DST: variants seen among roughly 807,000 people sequenced by gnomAD.
The protein encoded by DST is bullous pemphigoid antigen.
In DST, 253 loss-of-function variants were observed where a neutral mutation model predicts 875.2. The ratio of observed to expected loss-of-function variants is 0.29; its 90% CI spans 0.26 to 0.32. The LOEUF is 0.32. Among genes scored for constraint, DST ranks in the 10% least tolerant of loss-of-function variants. The pLI, the probability that DST is intolerant of heterozygous loss-of-function variation, is 1.00. For missense variants in DST, 8,287 were observed against 9,111.6 expected (o/e 0.91, Z 3.68); for synonymous variants, 3,124 against 3,197.1 (o/e 0.98, Z 0.77).
intron 4 of DST, among the ~76,000 whole-genome samples, chr6:56,841,582 G>A (rs188790578): frequency 6.6e-6 from 1 of 152,220 alleles, no homozygotes; most frequent in South Asian, 2.1e-4. Context: ...AATCACCCAC[G>A]TGTCACTTAA....
At chr6:56,581,986 T>C (rs749944501) in intron 49 of DST, among the ~76,000 whole-genome samples, 1 of 152,354 alleles carries the variant, frequency 6.6e-6, no homozygotes, top group East Asian at 1.9e-4. Context: ...AAGCTTTTTT[T>C]TTCCACACGT....
At chr6:56,495,819 C>A (rs1206404797) in intron 82 of DST, among the ~76,000 whole-genome samples, 1 of 152,094 alleles carries the variant, frequency 6.6e-6, no homozygotes, top group African/African-American at 2.4e-5. Flanking sequence ...GTAGGACTTA[C>A]TTAAACTACT....
At chr6:56,822,812 TTTTTA>T (rs1254489130) in intron 4 of DST, among the ~76,000 whole-genome samples, 23 of 151,630 alleles carry the variant, frequency 1.5e-4, no homozygotes, top group Admixed American at 9.2e-4. Flanking sequence ...TATTTATTTA[TTTTTA>T]TTTTATTTTA....
intron 2 of DST, among the ~76,000 whole-genome samples, chr6:56,942,060 T>C (rs1278948479): frequency 2.0e-5 from 3 of 152,232 alleles, no homozygotes; most frequent in Non-Finnish European, 4.4e-5. Flanking sequence ...CCTTTCATCA[T>C]TGCGGAACAT....
chr6:56,693,181 T>G, intron 9 of DST: 1 of 1,243,654 alleles, frequency 8.0e-7, no homozygotes. Context: ...CTCCATAGAT[T>G]CACTCATTTC....
chr6:56,797,679 C>A (rs143810557), intron 4 of DST, among the ~76,000 whole-genome samples: 3 of 151,908 alleles, frequency 2.0e-5, no homozygotes, highest in Non-Finnish European at 2.9e-5. Flanking sequence ...ATTAGCTGGG[C>A]GTGGTGGCAG....
intron 86 of DST, 41 bp downstream of exon 86, chr6:56,489,448 CT>C: frequency 6.4e-7 from 1 of 1,570,676 alleles, no homozygotes; most frequent in Non-Finnish European, 8.6e-7. Context: ...TGATCTTGAA[CT>C]ATATAATGAG....
chr6:56,553,784 A>G (rs367822683), intron 60 of DST, 129 bp from the exon 61 acceptor site: 5 of 837,390 alleles, frequency 6.0e-6, no homozygotes, highest in East Asian at 5.3e-5. Flanking sequence ...AGCATTGACT[A>G]TAAGAACTAC....
chr6:56,892,440 A>G (rs1271635345), intron 3 of DST, among the ~76,000 whole-genome samples: 2 of 149,788 alleles, frequency 1.3e-5, no homozygotes, highest in Admixed American at 1.3e-4. Context: ...CTCCCACCTC[A>G]GCCTCTCAAG....
In DST at chr6:56,604,879, T is replaced by G. The variant is rs761640661; in HGVS notation, c.9749A>C (p.Lys3250Thr). The change falls in exon 40 of 104, where the codon AAA becomes ACA. Residue 3250 changes from lysine to threonine, a missense_variant. Around this residue, in one of 10 missense-constraint regions of DST, gnomAD observed 3,138 missense variants for 3,116.6 expected, o/e 1.01. Transcript: ENST00000680361. ...TGTTCCTCCTCCTGAGATGCTTTCT[T>G]TACTACAAAGATCATTGCTTTGGAT... ...DMIQSNDLCS[K>T]ESISGGGTEI... The G allele has an allele frequency of 1.3e-5, 21 of 1,612,596 alleles. No individual in the cohort carries two copies. The highest frequency in any genetic ancestry group is 1.8e-5 in the Non-Finnish European group (21 of 1,179,294).
At position 56,551,605 on chromosome 6, in the gene DST, G is replaced by A. The variant is rs566391699; in HGVS notation, c.16608+579C>T. On this transcript the variant is annotated intron_variant, in intron 61 of 103. Coordinates refer to ENST00000680361, the MANE Select transcript of DST (RefSeq NM_001374736.1). The stretch of plus-strand genomic sequence containing the variant: ...GTGGCAGTCATTTCTTGGCACTGAG[G>A]AGCTTATGTCATGCAATAAAAAAAA... Among the ~76,000 whole-genome samples the A allele has an allele frequency of 2.0e-5, 3 of 152,172 alleles. No individual in the cohort carries two copies. The East Asian group carries it at 5.8e-4, about 29-fold the overall frequency.
chr6:56,851,884 G>C (rs966458240), intron 3 of DST: 2 of 1,549,452 alleles, frequency 1.3e-6, no homozygotes, highest in African/African-American at 1.4e-5. Flanking sequence ...CCTGTGGTCC[G>C]GCCACCAGCT....
Position 56,483,296 on chromosome 6 carries a change from T to C in DST, c.21208-419A>G, listed in dbSNP as rs761316290. ...GTCAAGTGGATGCTGGCTTTGGCAC[T>C]ACTCTAAGAGATGTATCTAAGAACC... On this transcript the variant is annotated intron_variant, in intron 88 of 103. Coordinates refer to ENST00000680361, the MANE Select transcript of DST (RefSeq NM_001374736.1). Among the ~76,000 whole-genome samples the C allele has an allele frequency of 1.5e-4, 23 of 152,184 alleles. 1 individual carries two copies. The highest frequency in any genetic ancestry group is 3.4e-4 in the Non-Finnish European group (23 of 68,022).
chr6:56,764,097 GCACA>G (rs57134689), intron 4 of DST, among the ~76,000 whole-genome samples: 1,822 of 141,978 alleles, frequency 0.013, 26 homozygotes, highest in African/African-American at 0.042. Context: ...AAGTGCACAT[GCACA>G]CACACACACA....
chr6:56,833,092 G>A (rs186996764), intron 4 of DST, among the ~76,000 whole-genome samples: 83 of 152,246 alleles, frequency 5.5e-4, no homozygotes, highest in African/African-American at 1.2e-3. Flanking sequence ...TCACAAGATC[G>A]CAAGACGAAC....
intron 48 of DST, among the ~76,000 whole-genome samples, chr6:56,593,357 CAG>C (rs2098316511): frequency 6.6e-6 from 1 of 151,096 alleles, no homozygotes; most frequent in Non-Finnish European, 1.5e-5. Flanking sequence ...CTACTAAAAA[CAG>C]AAAAAAAATT....
intron 2 of DST, among the ~76,000 whole-genome samples, chr6:56,944,952 C>T (rs1335383710): frequency 2.6e-5 from 4 of 152,150 alleles, no homozygotes; most frequent in Admixed American, 2.6e-4. Flanking sequence ...CCCTTCCTTC[C>T]TTCCTTGAAT....
chr6:56,722,361 CAT>C (rs1491294687), intron 5 of DST, among the ~76,000 whole-genome samples: 2 of 135,826 alleles, frequency 1.5e-5, no homozygotes, highest in African/African-American at 7.3e-5. Flanking sequence ...AAAAGTAGTA[CAT>C]GTTTGTTTAT....
At chr6:56,659,740 A>C (rs1316548864) in intron 10 of DST, among the ~76,000 whole-genome samples, 1 of 152,188 alleles carries the variant, frequency 6.6e-6, no homozygotes. Context: ...CAGTTAAGGG[A>C]GAGTGTTTTT....
Sources: allele counts gnomAD v4.1 joint callset (sites outside exome capture counted in the v4.1 genomes callset), GRCh38; gene constraint gnomAD v4.1.1; regional missense constraint gnomAD v4.1.1; transcripts MANE v1.5; gene names NCBI Gene and HGNC (gene_info 2026-07-23, HGNC 2026-07-21).